ICA1: variants seen among roughly 807,000 people sequenced by gnomAD.
ICA1 encodes 69 kDa islet cell autoantigen.
Under a neutral mutation model 71.0 loss-of-function variants are expected in ICA1, and 40 were observed. That is an observed-to-expected ratio of 0.56 (90% CI 0.44 to 0.73). ICA1 has a LOEUF of 0.73. Ranked by LOEUF, ICA1 falls within the 30% of genes least tolerant of loss-of-function variation. The probability of loss-of-function intolerance (pLI) is 0.00; values close to 1 mark genes in which losing one functional copy is unlikely to be tolerated. For missense variants in ICA1, 578 were observed against 576.5 expected (o/e 1.00, Z -0.03); for synonymous variants, 207 against 209.5 (o/e 0.99, Z 0.10).
chr7:8,166,101 A>G (rs1469377590), intron 6 of ICA1, among the ~76,000 whole-genome samples: 1 of 152,218 alleles, frequency 6.6e-6, no homozygotes, highest in Non-Finnish European at 1.5e-5. Flanking sequence ...TAGGTATCAC[A>G]TGACCTGACT....
chr7:8,158,369 CGTA>C (rs1802481593), intron 7 of ICA1, 155 bp downstream of exon 7: 1 of 806,638 alleles, frequency 1.2e-6, no homozygotes. Context: ...TTTGGTTAAA[CGTA>C]GGGCCCTAGA....
At chr7:8,118,395 AAT>A (rs1174256148) in intron 13 of ICA1, among the ~76,000 whole-genome samples, 2 of 152,232 alleles carry the variant, frequency 1.3e-5, no homozygotes, top group Admixed American at 1.3e-4. Flanking sequence ...GGACCGTGGA[AAT>A]GTTCTAACAC....
At chr7:8,230,294 GA>G (rs1280620257) in intron 3 of ICA1, among the ~76,000 whole-genome samples, 3 of 152,192 alleles carry the variant, frequency 2.0e-5, no homozygotes, top group Non-Finnish European at 4.4e-5. Flanking sequence ...GATTGCAATA[GA>G]ATCTGACCAA....
intron 6 of ICA1, among the ~76,000 whole-genome samples, chr7:8,187,289 T>C (rs1022946776): frequency 2.6e-5 from 4 of 152,240 alleles, no homozygotes; most frequent in African/African-American, 9.6e-5. Context: ...CTGTACAACA[T>C]GTTATTGTAC....
chr7:8,252,430 G>T (rs1021400444), intron 1 of ICA1, among the ~76,000 whole-genome samples: 1 of 152,040 alleles, frequency 6.6e-6, no homozygotes, highest in Non-Finnish European at 1.5e-5. Context: ...TTAAAGAATT[G>T]CACCAACTTA....
chr7:8,240,521 C>T (rs1343777941), intron 1 of ICA1, among the ~76,000 whole-genome samples: 1 of 152,170 alleles, frequency 6.6e-6, no homozygotes, highest in Non-Finnish European at 1.5e-5. Context: ...AGGATCGCAG[C>T]CCCTTGCCAG....
chr7:8,159,784 T>C (rs1178553273), intron 6 of ICA1, among the ~76,000 whole-genome samples: 2 of 152,288 alleles, frequency 1.3e-5, no homozygotes, highest in East Asian at 1.9e-4. Flanking sequence ...CTTCAATCTA[T>C]AGTGTCAACA....
At chr7:8,163,771 G>A (rs1001549620) in intron 6 of ICA1, among the ~76,000 whole-genome samples, 4 of 152,154 alleles carry the variant, frequency 2.6e-5, no homozygotes, top group African/African-American at 9.7e-5. Flanking sequence ...GCTGAGAGTA[G>A]GTCAGTGTAG....
rs375172803 is a variant in ICA1 at position 8,143,891 on chromosome 7, C to T, written c.886G>A (p.Val296Met). ...INQQESTDAA[V>M]QEPSQLISLE... ...GTGACTTACTGGCTCGGCTCCTGCA[C>T]GGCTGCATCTGTACTTTCCTGCTGG... is the stretch of plus-strand genomic sequence containing the variant. The change falls in exon 9 of 14, where the codon GTG becomes ATG. Residue 296 changes from valine to methionine, a missense_variant. Physicochemically the swap from Val to Met is conservative, Grantham distance 21. Coordinates refer to ENST00000402384, the MANE Select transcript of ICA1 (RefSeq NM_001136020.3). 55 of 1,609,722 alleles carry T rather than the reference C, an allele frequency of 3.4e-5. No homozygotes were observed. Among genetic ancestry groups the T allele is most frequent in the South Asian group, 8.8e-5 (8 of 90,960 alleles).
chr7:8,195,729 C>T (rs1787251047), intron 6 of ICA1, among the ~76,000 whole-genome samples: 1 of 151,856 alleles, frequency 6.6e-6, no homozygotes, highest in African/African-American at 2.4e-5. Flanking sequence ...CTTGCAATCC[C>T]AGCACTTTGG....
chr7:8,123,814 T>A lies in ICA1; in HGVS notation c.1330+4059A>T, dbSNP rs1787962079. On this transcript the variant is annotated intron_variant, in intron 13 of 13. Transcript: ENST00000402384. The surrounding 1 kb of genome is among the most constrained non-coding windows in gnomAD (Gnocchi z 4.1). The stretch of plus-strand genomic sequence containing the variant: ...TCCCTTTTGCTCTCAGAGACTGTAC[T>A]GAGAGGCCAGAGAAGGGAATGGTGA... Among the ~76,000 whole-genome samples the A allele has an allele frequency of 6.6e-6, 1 of 152,174 alleles. No individual in the cohort carries two copies. The highest frequency in any genetic ancestry group is 2.1e-4 in the South Asian group (1 of 4,828).
rs531991172 is a variant in ICA1 at position 8,120,236 on chromosome 7, C to A, written c.1331-6192G>T. ...GCCAAGTCACATTCTTTTCTCCGAA[C>A]AATTATTAAGCATCAGTCTAACAAT... is the stretch of plus-strand genomic sequence containing the variant. On this transcript the variant is annotated intron_variant, in intron 13 of 13. Coordinates refer to ENST00000402384, the MANE Select transcript of ICA1 (RefSeq NM_001136020.3). Among the ~76,000 whole-genome samples the A allele has an allele frequency of 3.3e-5, 5 of 152,292 alleles. 1 individual carries two copies. The highest frequency in any genetic ancestry group is 2.6e-4 in the Admixed American group (4 of 15,300).
At chr7:8,249,383 T>C (rs1807329485) in intron 1 of ICA1, among the ~76,000 whole-genome samples, 3 of 152,226 alleles carry the variant, frequency 2.0e-5, no homozygotes, top group Non-Finnish European at 2.9e-5. Context: ...CCGTAAGCAG[T>C]TGTGCATTAT....
chr7:8,153,474 A>G (rs1175118500), intron 8 of ICA1, among the ~76,000 whole-genome samples: 1 of 152,152 alleles, frequency 6.6e-6, no homozygotes, highest in Non-Finnish European at 1.5e-5. Context: ...TTTCCAGGGA[A>G]AAGCCACTCT....
At chr7:8,197,882 A>G (rs1209091814) in intron 6 of ICA1, among the ~76,000 whole-genome samples, 1 of 152,180 alleles carries the variant, frequency 6.6e-6, no homozygotes, top group African/African-American at 2.4e-5. Context: ...TTATGAACTG[A>G]TGGTTTGGAT....
At chr7:8,208,294 A>T (rs1236040566) in intron 6 of ICA1, among the ~76,000 whole-genome samples, 3 of 152,232 alleles carry the variant, frequency 2.0e-5, no homozygotes, top group Non-Finnish European at 2.9e-5. Context: ...AACAAAAGCA[A>T]CTTACAGTAC....
intron 1 of ICA1, among the ~76,000 whole-genome samples, chr7:8,244,343 C>G (rs896300026): frequency 6.6e-6 from 1 of 152,174 alleles, no homozygotes; most frequent in Non-Finnish European, 1.5e-5. Flanking sequence ...GCTGGGAAAA[C>G]TGGCTAGCTA....
intron 6 of ICA1, among the ~76,000 whole-genome samples, chr7:8,179,400 A>T (rs1781523658): frequency 6.6e-6 from 1 of 152,214 alleles, no homozygotes; most frequent in African/African-American, 2.4e-5. Flanking sequence ...ACTGACAGTG[A>T]TCCAAAGATT....
intron 4 of ICA1, among the ~76,000 whole-genome samples, chr7:8,225,590 G>A (rs78163356): frequency 1.3e-5 from 2 of 152,128 alleles, no homozygotes; most frequent in South Asian, 4.1e-4. Context: ...CACTGCTATG[G>A]AGCGTTAGTG....
Sources: gnomAD v4.1 joint callset for allele counts (sites outside exome capture counted in the v4.1 genomes callset) on GRCh38, gnomAD v4.1.1 for gene constraint, Gnocchi (gnomAD v3.1) non-coding constraint, MANE v1.5 for transcripts, NCBI Gene and HGNC (gene_info 2026-07-23, HGNC 2026-07-21) for gene names.